The following IQSEC2 variants were observed in gnomAD, a reference collection of about 807,000 sequenced individuals.
The protein encoded by IQSEC2 is IQ motif and SEC7 domain-containing protein 2.
IQSEC2 carries 6 observed loss-of-function variants against 74.6 expected under a neutral mutation model. That is an observed-to-expected ratio of 0.08 (90% CI 0.04 to 0.16). The LOEUF is 0.16. IQSEC2 is among the 10% of genes least tolerant of loss of function. The pLI is 1.00. For synonymous variants in IQSEC2, 494 were observed against 544.5 expected, an observed-to-expected ratio of 0.91 and a Z score of 1.29; for missense variants, 734 against 1,306.2, an observed-to-expected ratio of 0.56 and a Z score of 6.75.
intron 1 of IQSEC2, among the ~76,000 whole-genome samples, chrX:53,299,808 T>A (rs2075192276): frequency 9.0e-6 from 1 of 111,374 alleles, no homozygotes; most frequent in African/African-American, 3.3e-5. Context: ...TAGGAGGCAG[T>A]GGTGTGAGCA....
rs782206469 is a variant in IQSEC2 at position 53,274,813 on chromosome X, T to G, written c.737+17082A>C. Among the ~76,000 whole-genome samples, 6 of 111,273 alleles carry G rather than the reference T, an allele frequency of 5.4e-5. No individual in the cohort carries two copies. In the South Asian group the frequency reaches 2.3e-3, roughly 42 times the overall value. ...AGTAAGCTTGGGCATATTTTCTCCT[T>G]TATTAGCTAATTGTCTATTTCTTCC... On this transcript the variant is annotated intron_variant, in intron 2 of 14. Transcript: ENST00000642864.
At chrX:53,257,200 C>T (rs2074487607) in intron 2 of IQSEC2, among the ~76,000 whole-genome samples, 1 of 111,900 alleles carries the variant, frequency 8.9e-6, no homozygotes, top group Admixed American at 9.4e-5. Context: ...CTCCCCAGCC[C>T]CTATTCGGCA....
rs186748874 is a variant in IQSEC2 at position 53,233,921 on chromosome X, G to A, written c.*298C>T. 1.0e-5 allele frequency: 3 copies of A among 295,565 alleles called. No homozygotes were observed. Among genetic ancestry groups the A allele is most frequent in the East Asian group, 9.6e-5 (2 of 20,900 alleles). The allele number at this position is 295,565 out of a possible 1,213,427, so 24.4% of individuals were successfully genotyped here. A position where few individuals can be genotyped will look rare whatever the true frequency, so the allele number is the denominator to read the frequency against. Reference sequence around the variant, plus strand: ...CAGAGCTAGACCTCCAGGGAAAAGTGGGGAAGAAGAAGACGGGAGAAAGAG... The same window carrying A: ...CAGAGCTAGACCTCCAGGGAAAAGTAGGGAAGAAGAAGACGGGAGAAAGAG... On this transcript the variant is annotated 3_prime_UTR_variant, in exon 15 of 15. Transcript: ENST00000642864.
intron 1 of IQSEC2, among the ~76,000 whole-genome samples, chrX:53,303,790 A>C (rs1181826177): frequency 4.7e-5 from 5 of 106,745 alleles, no homozygotes; most frequent in African/African-American, 1.7e-4. Flanking sequence ...GAAAGAGCGA[A>C]ACTCCATCTA....
intron 2 of IQSEC2, among the ~76,000 whole-genome samples, chrX:53,269,588 C>T (rs1417673984): frequency 1.8e-5 from 2 of 110,438 alleles, no homozygotes; most frequent in Non-Finnish European, 3.8e-5. Context: ...CCCCCACATC[C>T]CCCTCTGTCC....
chrX:53,254,468 A>G, intron 4 of IQSEC2, 62 bp downstream of exon 4: 1 of 1,097,230 alleles, frequency 9.1e-7, no homozygotes, highest in East Asian at 3.0e-5. Flanking sequence ...TCTAGGTAAA[A>G]AGTAGCAGGA....
At chrX:53,231,855 G>C (rs975317589), downstream of IQSEC2, 1 of 112,212 alleles carries the variant, frequency 8.9e-6, no homozygotes, top group Non-Finnish European at 1.9e-5. Context: ...TTTGCTAGTT[G>C]TCTTCCCTGG....
intron 4 of IQSEC2, among the ~76,000 whole-genome samples, chrX:53,252,102 C>A (rs184700942): frequency 8.9e-6 from 1 of 111,870 alleles, no homozygotes; most frequent in Non-Finnish European, 1.9e-5. Context: ...TTGCTCTCAC[C>A]CAGGCTGGAG....
At chrX:53,271,622 T>C (rs1383803636) in intron 2 of IQSEC2, among the ~76,000 whole-genome samples, 6 of 112,156 alleles carry the variant, frequency 5.3e-5, no homozygotes, top group African/African-American at 1.9e-4. Flanking sequence ...TCTCAACAAA[T>C]GGTGCTCACT....
At chrX:53,238,645 T>C (rs1228351766) in intron 11 of IQSEC2, among the ~76,000 whole-genome samples, 6 of 109,633 alleles carry the variant, frequency 5.5e-5, no homozygotes, top group African/African-American at 2.0e-4. Context: ...CCCAAAGTGC[T>C]GGGATTACAG....
At chrX:53,259,692 AG>A (rs1556866085) in intron 2 of IQSEC2, among the ~76,000 whole-genome samples, 1 of 109,691 alleles carries the variant, frequency 9.1e-6, no homozygotes, top group Non-Finnish European at 1.9e-5. Context: ...CCTAGCTACT[AG>A]GGAGGCTGAG....
chrX:53,288,548 C>T (rs1026670030), intron 2 of IQSEC2, among the ~76,000 whole-genome samples: 15 of 111,673 alleles, frequency 1.3e-4, no homozygotes, highest in Non-Finnish European at 2.8e-4. Context: ...GTGAGGGCCT[C>T]ATCAGGCCCG....
At position 53,294,560 on chromosome X, in the gene IQSEC2, C is replaced by A. The variant is rs151038117; in HGVS notation, c.708-2636G>T. ...CCCTAATTGGCAGTGTGAACTCGGA[C>A]AAGTCATTTCCCTCTGGACCTTGGT... is the stretch of plus-strand genomic sequence containing the variant. On this transcript the variant is annotated intron_variant, in intron 1 of 14. Transcript: ENST00000642864. Among the ~76,000 whole-genome samples the A allele has an allele frequency of 7.9e-3, 879 of 111,964 alleles. 1 individual carries two copies. The highest frequency in any genetic ancestry group is 0.027 in the Middle Eastern group (6 of 219).
chrX:53,233,241 C>G lies in IQSEC2; in HGVS notation c.*978G>C, dbSNP rs916885053. On this transcript the variant is annotated 3_prime_UTR_variant, in exon 15 of 15. Transcript: ENST00000642864. ...GACTCAGGCATTCTGGCTCCCAACC[C>G]CAGCTCTGATGGCTTCAATCTCTGC... 1.8e-5 allele frequency: 2 copies of G among 112,566 alleles called. No individual in the cohort carries two copies. The highest frequency in any genetic ancestry group is 3.2e-5 in the African/African-American group (1 of 30,975). The allele number at this position is 112,566 out of a possible 1,213,427, so 9.3% of individuals were successfully genotyped here. A position where few individuals can be genotyped will look rare whatever the true frequency, so the allele number is the denominator to read the frequency against.
At chrX:53,284,601 C>A (rs1347065295) in intron 2 of IQSEC2, among the ~76,000 whole-genome samples, 3 of 111,196 alleles carry the variant, frequency 2.7e-5, no homozygotes, top group African/African-American at 6.5e-5. Flanking sequence ...CAGGTTGGGT[C>A]ACCTCCCTTG....
At chrX:53,303,472 C>G (rs2075231176) in intron 1 of IQSEC2, among the ~76,000 whole-genome samples, 1 of 111,104 alleles carries the variant, frequency 9.0e-6, no homozygotes, top group South Asian at 3.8e-4. Flanking sequence ...AGATGATTCC[C>G]AAGTTCAAGT....
intron 2 of IQSEC2, among the ~76,000 whole-genome samples, chrX:53,260,458 G>T (rs782361624): frequency 1.3e-4 from 15 of 111,942 alleles, no homozygotes; most frequent in Non-Finnish European, 2.6e-4. Context: ...TGATTGAGGT[G>T]AGCAGAGGAG....
chrX:53,250,168 A>G lies in IQSEC2; in HGVS notation c.2297+111T>C, dbSNP rs2074363546. 12 of 903,914 alleles carry G rather than the reference A, an allele frequency of 1.3e-5. No homozygotes were observed. In the Admixed American group the frequency reaches 2.8e-4, roughly 21 times the overall value. 74.5% of individuals were successfully genotyped at this position (903,914 alleles called of 1,213,427 possible). On this transcript the variant is annotated intron_variant, in intron 5 of 14. Transcript: ENST00000642864. ...TGTCTGGGGAGAAATACCATTCCAC[A>G]AAATGAAAGGATGGCAGAACGGGGA...
chrX:53,295,357 C>A (rs1254631137), intron 1 of IQSEC2, among the ~76,000 whole-genome samples: 4 of 111,319 alleles, frequency 3.6e-5, no homozygotes, highest in African/African-American at 1.3e-4. Flanking sequence ...GTAATCCCAG[C>A]ACTTTGGGAG....
Sources: allele counts gnomAD v4.1 joint callset (sites outside exome capture counted in the v4.1 genomes callset), GRCh38; gene constraint gnomAD v4.1.1; transcripts MANE v1.5; gene names NCBI Gene and HGNC (gene_info 2026-07-23, HGNC 2026-07-21).